Variants in CNGA1 observed in about 807,000 individuals in gnomAD.
CNGA1 encodes cyclic nucleotide-gated channel alpha-1.
Under a neutral mutation model 69.7 loss-of-function variants are expected in CNGA1, and 53 were observed. The observed-to-expected ratio is 0.76, with a 90% confidence interval of 0.61 to 0.96. CNGA1 has a LOEUF of 0.96. CNGA1 is among the 40% of genes least tolerant of loss of function. The pLI is 0.00. For missense variants in CNGA1, 739 were observed against 811.2 expected, an observed-to-expected ratio of 0.91 and a Z score of 1.08; for synonymous variants, 249 against 283.5, an observed-to-expected ratio of 0.88 and a Z score of 1.22.
Position 47,937,772 on chromosome 4 carries a change from T to G in CNGA1, c.710A>C (p.Lys237Thr), listed in dbSNP as rs1738769840. Residue 237 changes from lysine (K) to threonine (T), a missense_variant, in exon 11 of 11, where the codon AAA (lysine) becomes ACA (threonine). By Grantham distance (78) the Lys-to-Thr change is moderately conservative. Coordinates refer to ENST00000514170, the MANE Select transcript of CNGA1 (RefSeq NM_001379270.1). ...KEELKLINKY[K>T]SNLQFKLDVL... ...ATCAAGTTTAAATTGCAAGTTGGAT[T>G]TATATTTATTTATGAGTTTAAGTTC... 1.2e-6 allele frequency: 2 copies of G among 1,613,546 alleles called. No homozygotes were observed. The highest frequency in any genetic ancestry group is 1.7e-6 in the Non-Finnish European group (2 of 1,179,624).
rs546830126 is a variant in CNGA1 at position 47,936,147 on chromosome 4, G to GT, written c.*273dup. ...ATGAAGAATATTACATAAAATGAGC[G>GT]TATGTGAAAAAATCAGAAAATACAG... On this transcript the variant is annotated 3_prime_UTR_variant, in exon 11 of 11. Transcript: ENST00000514170. The GT allele has an allele frequency of 1.1e-3, 552 of 494,754 alleles. No individual in the cohort carries two copies. The highest frequency in any genetic ancestry group is 1.8e-3 in the Non-Finnish European group (500 of 277,998). The allele number at this position is 494,754 out of a possible 1,614,324, so 30.6% of individuals were successfully genotyped here. A position where few individuals can be genotyped will look rare whatever the true frequency, so the allele number is the denominator to read the frequency against.
intron 3 of CNGA1, among the ~76,000 whole-genome samples, chr4:47,962,623 C>T (rs1235588142): frequency 6.6e-6 from 1 of 152,116 alleles, no homozygotes; most frequent in African/African-American, 2.4e-5. Flanking sequence ...TTGCCAAGAA[C>T]ATATAGCCAG....
chr4:47,963,966 A>T (rs1309736139), intron 3 of CNGA1, among the ~76,000 whole-genome samples: 2 of 152,254 alleles, frequency 1.3e-5, no homozygotes, highest in African/African-American at 4.8e-5. Context: ...CAAACAATTA[A>T]TGAAAATAAC....
At chr4:47,950,830 C>G (rs1203191798) in intron 5 of CNGA1, among the ~76,000 whole-genome samples, 1 of 152,220 alleles carries the variant, frequency 6.6e-6, no homozygotes, top group Non-Finnish European at 1.5e-5. Flanking sequence ...TCTAGCACCT[C>G]TCTCCAGTGC....
chr4:48,011,062 C>T (rs1216201792), intron 1 of CNGA1, among the ~76,000 whole-genome samples, 169 bp from the exon 2 acceptor site: 1 of 152,190 alleles, frequency 6.6e-6, no homozygotes, highest in Non-Finnish European at 1.5e-5. Context: ...TGCTCTCAGG[C>T]AGCAGATGGC....
intron 2 of CNGA1, among the ~76,000 whole-genome samples, chr4:48,009,620 A>G (rs1226289841): frequency 6.6e-6 from 1 of 152,186 alleles, no homozygotes; most frequent in Non-Finnish European, 1.5e-5. Flanking sequence ...CCTGACCAAC[A>G]TGGCAAAACC....
chr4:48,009,364 C>T (rs1715049949), intron 2 of CNGA1, among the ~76,000 whole-genome samples: 1 of 150,268 alleles, frequency 6.7e-6, no homozygotes, highest in Non-Finnish European at 1.5e-5. Context: ...TACTCCGAAG[C>T]TGAGGCAGGA....
At chr4:48,008,475 T>C (rs1316813749) in intron 2 of CNGA1, among the ~76,000 whole-genome samples, 1 of 152,190 alleles carries the variant, frequency 6.6e-6, no homozygotes, top group East Asian at 1.9e-4. Context: ...ATTGTCCACC[T>C]TTTTTAAAAG....
Position 48,016,588 on chromosome 4 carries a change from T to A in CNGA1, c.-328A>T, listed in dbSNP as rs1049479527. On this transcript the variant is annotated 5_prime_UTR_variant, in exon 1 of 11. Transcript: ENST00000514170. ...CGCGCCAAGGGGCAGCTGCTACTCC[T>A]GCCAGATACACCAGTTATCACAGGC... is the stretch of plus-strand genomic sequence containing the variant. 6.5e-5 allele frequency: 34 copies of A among 520,270 alleles called. No individual in the cohort carries two copies. Among genetic ancestry groups the A allele is most frequent in the Non-Finnish European group, 1.7e-5 (5 of 298,236 alleles). The allele number at this position is 520,270 out of a possible 1,614,324, so 32.2% of individuals were successfully genotyped here.
At chr4:47,955,395 C>T (rs1740028961) in intron 3 of CNGA1, among the ~76,000 whole-genome samples, 1 of 152,066 alleles carries the variant, frequency 6.6e-6, no homozygotes. Context: ...GTTGGTCAGG[C>T]TGGTCTCCAA....
At chr4:47,941,289 T>A (rs1463792590) in intron 9 of CNGA1, among the ~76,000 whole-genome samples, 6 of 152,186 alleles carry the variant, frequency 3.9e-5, no homozygotes, top group African/African-American at 1.4e-4. Flanking sequence ...AAATTTCACA[T>A]GTACCCGATA....
Position 48,016,658 on chromosome 4 carries a change from G to T in CNGA1, c.-398C>A. On this transcript the variant is annotated 5_prime_UTR_variant, in exon 1 of 11. Coordinates refer to ENST00000514170, the MANE Select transcript of CNGA1 (RefSeq NM_001379270.1). ...GCCCTGAGAATTCGCAACAAGCCCCGGGCAGCAGGGCTCGGCTGGCGCTGA... is the reference window on the plus strand; with the variant it reads ...GCCCTGAGAATTCGCAACAAGCCCCTGGCAGCAGGGCTCGGCTGGCGCTGA... 5 of 570,980 alleles carry T rather than the reference G, an allele frequency of 8.8e-6. No individual in the cohort carries two copies. In the South Asian group the frequency reaches 1.1e-4, roughly 13 times the overall value. The allele number at this position is 570,980 out of a possible 1,614,324, so 35.4% of individuals were successfully genotyped here.
At chr4:47,953,889 A>G (rs1560627313) in intron 3 of CNGA1, among the ~76,000 whole-genome samples, 2 of 151,136 alleles carry the variant, frequency 1.3e-5, no homozygotes, top group Admixed American at 6.6e-5. Context: ...AGGGCTCCAC[A>G]CTCGGGCCTT....
chr4:47,942,367 T>A (rs1219651459), intron 8 of CNGA1, among the ~76,000 whole-genome samples: 1 of 151,474 alleles, frequency 6.6e-6, no homozygotes, highest in Non-Finnish European at 1.5e-5. Flanking sequence ...CAGTTTTTTT[T>A]TTTTTTTTTT....
At chr4:47,947,457 G>A (rs1014112100) in intron 6 of CNGA1, among the ~76,000 whole-genome samples, 4 of 151,986 alleles carry the variant, frequency 2.6e-5, no homozygotes, top group Non-Finnish European at 5.9e-5. Flanking sequence ...GGAGGATCAC[G>A]TGAGGCCAAG....
chr4:47,943,396 T>G lies in CNGA1; in HGVS notation c.304A>C (p.Lys102Gln). The change falls in exon 7 of 11, where the codon AAG becomes CAG. Residue 102 changes from lysine to glutamine, a missense_variant. Lys to Gln is a moderately conservative substitution (Grantham distance 53). Transcript: ENST00000514170. ...SNKDQEPEEK[K>Q]KKKKEKKSKS... ...CTCTTCTTTTCTTTTTTCTTTTTCT[T>G]TTTTTCTTCTGGTTCCCTAAAGAAA... is the stretch of plus-strand genomic sequence containing the variant. The G allele has an allele frequency of 6.6e-7, 1 of 1,507,478 alleles. No individual in the cohort carries two copies. Among genetic ancestry groups the G allele is most frequent in the Non-Finnish European group, 8.9e-7 (1 of 1,123,670 alleles). 93.4% of individuals were successfully genotyped at this position (1,507,478 alleles called of 1,614,324 possible).
At chr4:47,984,917 T>G (rs534481524) in intron 2 of CNGA1, among the ~76,000 whole-genome samples, 2 of 152,272 alleles carry the variant, frequency 1.3e-5, no homozygotes, top group South Asian at 4.1e-4. Flanking sequence ...TTCACTTTAC[T>G]TTAGCCTCTC....
At chr4:47,953,770 G>A (rs1368963511) in intron 3 of CNGA1, among the ~76,000 whole-genome samples, 2 of 152,150 alleles carry the variant, frequency 1.3e-5, no homozygotes, top group African/African-American at 4.8e-5. Flanking sequence ...ATGGTCCTCA[G>A]GAAGGATCCT....
intron 2 of CNGA1, among the ~76,000 whole-genome samples, chr4:48,004,387 T>C (rs571811865): frequency 2.0e-5 from 3 of 152,170 alleles, no homozygotes; most frequent in Non-Finnish European, 4.4e-5. Context: ...CTCTTTGTCT[T>C]GTGCCTTTAT....
Sources: gnomAD v4.1 joint callset for allele counts (sites outside exome capture counted in the v4.1 genomes callset) on GRCh38, gnomAD v4.1.1 for gene constraint, MANE v1.5 for transcripts, NCBI Gene and HGNC (gene_info 2026-07-23, HGNC 2026-07-21) for gene names.